The following CD47 variants were observed in gnomAD, a reference collection of about 807,000 sequenced individuals.
CD47 encodes leukocyte surface antigen CD47.
CD47 carries 11 observed loss-of-function variants against 44.6 expected under a neutral mutation model. The observed-to-expected ratio is 0.25, with a 90% CI of 0.16 to 0.41. The LOEUF (loss-of-function observed/expected upper bound fraction) is 0.41, where lower values mean the gene tolerates loss of function less well. Among genes scored for constraint, CD47 ranks in the 10% least tolerant of loss-of-function variants. CD47 has a pLI of 1.00. For synonymous variants in CD47, 140 were observed against 136.3 expected, an observed-to-expected ratio of 1.03 and a Z score of -0.19; for missense variants, 306 against 386.7, an observed-to-expected ratio of 0.79 and a Z score of 1.75.
chr3:108,086,011 T>C (rs1175543444), intron 1 of CD47, among the ~76,000 whole-genome samples: 1 of 152,070 alleles, frequency 6.6e-6, no homozygotes, highest in Non-Finnish European at 1.5e-5. Flanking sequence ...GAGGGTGATG[T>C]TTAAACTGGG....
chr3:108,050,778 C>A, intron 8 of CD47, 176 bp from the exon 9 acceptor site: 1 of 481,506 alleles, frequency 2.1e-6, no homozygotes, highest in South Asian at 2.5e-5. Flanking sequence ...GCAAAGCTTG[C>A]CAAGTCGGGT....
chr3:108,059,435 T>C lies in CD47; in HGVS notation c.691+17A>G. 1 of 1,223,332 alleles carries C rather than the reference T, an allele frequency of 8.2e-7. No individual in the cohort carries two copies. Among genetic ancestry groups the C allele is most frequent in the Non-Finnish European group, 1.1e-6 (1 of 883,468 alleles). 75.8% of individuals were successfully genotyped at this position (1,223,332 alleles called of 1,614,324 possible). ...GAAAAAGGTAGACAAAATCATACTG[T>C]AACAATGAAAACTCACCTGTACTAA... On this transcript the variant is annotated intron_variant, in intron 5 of 10. Coordinates refer to ENST00000361309, the MANE Select transcript of CD47 (RefSeq NM_001777.4).
intron 7 of CD47, 90 bp downstream of exon 7, chr3:108,057,387 T>C (rs1204947779): frequency 4.6e-6 from 3 of 654,316 alleles, no homozygotes; most frequent in East Asian, 2.7e-5. Context: ...TCATTTTTGG[T>C]CCTAAACTGG....
At chr3:108,070,985 C>G in intron 3 of CD47, 108 bp downstream of exon 3, 1 of 563,102 alleles carries the variant, frequency 1.8e-6, no homozygotes, top group Non-Finnish European at 3.2e-6. Flanking sequence ...TCATATTTAT[C>G]ATAATAGCAC....
chr3:108,051,908 T>C, intron 8 of CD47, 31 bp downstream of exon 8: 1 of 1,481,386 alleles, frequency 6.8e-7, no homozygotes, highest in South Asian at 1.1e-5. Context: ...CAAATGATCA[T>C]TCACAATTCA....
Position 108,057,558 on chromosome 3 carries a change from T to G in CD47, c.796A>C (p.Met266Leu). 6.6e-7 allele frequency: 1 copy of G among 1,514,460 alleles called. No individual in the cohort carries two copies. The highest frequency in any genetic ancestry group is 1.1e-5 in the South Asian group (1 of 89,044). The allele number at this position is 1,514,460 out of a possible 1,614,324, so 93.8% of individuals were successfully genotyped here. ...CCTGAAATCAGAAGAGGGCCATGCA[T>G]TGGTATACACGCTGTAAAAACAAAT... ...LSLCIAACIPMHGPLLISGLS... is the reference protein window; with the variant it reads ...LSLCIAACIPLHGPLLISGLS... Residue 266 changes from methionine to leucine, a missense_variant, in exon 7 of 11, where the codon ATG (methionine) becomes CTG (leucine). By Grantham distance (15) the Met-to-Leu change is conservative. Around this residue, in one of 5 missense-constraint regions of CD47, gnomAD observed 131 missense variants for 135.3 expected, o/e 0.97. Transcript: ENST00000361309.
At chr3:108,057,025 C>T (rs1315591972) in intron 7 of CD47, among the ~76,000 whole-genome samples, 2 of 152,066 alleles carry the variant, frequency 1.3e-5, no homozygotes, top group Admixed American at 6.6e-5. Context: ...TCTATGTCTG[C>T]AAGAAAAAGA....
At chr3:108,083,922 T>C (rs1219478030) in intron 1 of CD47, among the ~76,000 whole-genome samples, 2 of 151,282 alleles carry the variant, frequency 1.3e-5, no homozygotes, top group Non-Finnish European at 3.0e-5. Context: ...CTTCCTTTTC[T>C]GAAATGAATC....
chr3:108,062,358 C>A (rs2079029283), intron 3 of CD47, among the ~76,000 whole-genome samples: 1 of 152,092 alleles, frequency 6.6e-6, no homozygotes, highest in African/African-American at 2.4e-5. Context: ...GGCACATACA[C>A]AGAAAAAGGA....
At chr3:108,087,228 C>A (rs1021108592) in intron 1 of CD47, among the ~76,000 whole-genome samples, 1 of 152,234 alleles carries the variant, frequency 6.6e-6, no homozygotes, top group Non-Finnish European at 1.5e-5. Context: ...TCTAGCTACA[C>A]TGGGTTACGT....
At chr3:108,082,259 G>A (rs2079434198) in intron 1 of CD47, among the ~76,000 whole-genome samples, 1 of 151,884 alleles carries the variant, frequency 6.6e-6, no homozygotes, top group African/African-American at 2.4e-5. Context: ...ACTTTGACTG[G>A]GCTGTTTTAC....
In CD47 at chr3:108,075,923, T is replaced by C. The variant is rs142160764; in HGVS notation, c.400+4068A>G. On this transcript the variant is annotated intron_variant, in intron 2 of 10. Transcript: ENST00000361309. ...CTGGCTTTAAATATGCAAGGGGCCA[T>C]GGGGCAAGAAATGAGGGCAATCTCT... Among the ~76,000 whole-genome samples, 1,107 of 152,274 alleles carry C rather than the reference T, an allele frequency of 7.3e-3. 13 individuals are homozygous for C. The highest frequency in any genetic ancestry group is 0.026 in the African/African-American group (1,061 of 41,556).
Position 108,071,101 on chromosome 3 carries a change from C to G in CD47, c.482G>C (p.Gly161Ala). 1 of 1,332,108 alleles carries G rather than the reference C, an allele frequency of 7.5e-7. No individual in the cohort carries two copies. The highest frequency in any genetic ancestry group is 2.2e-5 in the Admixed American group (1 of 45,620). The allele number at this position is 1,332,108 out of a possible 1,614,324, so 82.5% of individuals were successfully genotyped here. The change falls in exon 3 of 11, where the codon GGT becomes GCT. Residue 161 changes from glycine (G) to alanine (A), a missense_variant. Gly to Ala is a moderately conservative substitution (Grantham distance 60). Around this residue, in one of 5 missense-constraint regions of CD47, gnomAD observed 65 missense variants for 119.9 expected, o/e 0.54. Coordinates refer to ENST00000361309, the MANE Select transcript of CD47 (RefSeq NM_001777.4). Reference protein sequence around the residue: ...FAILLFWGQFGIKTLKYRSGG... With the variant: ...FAILLFWGQFAIKTLKYRSGG... ...GTAGAAATAATACTTACTTTTAATA[C>G]CAAACTGTCCCCAGAACAGGAGTAT...
chr3:108,051,122 C>T (rs889862700), intron 8 of CD47, among the ~76,000 whole-genome samples: 2 of 152,236 alleles, frequency 1.3e-5, no homozygotes, highest in Non-Finnish European at 2.9e-5. Context: ...CCCCACCTGC[C>T]CTTTAGGCAC....
At chr3:108,060,561 T>A (rs764460076) in intron 4 of CD47, among the ~76,000 whole-genome samples, 184 bp downstream of exon 4, 11 of 152,200 alleles carry the variant, frequency 7.2e-5, no homozygotes, top group African/African-American at 2.7e-4. Context: ...AGAGGGAGTG[T>A]GGCCCTGATG....
Position 108,049,778 on chromosome 3 carries a change from C to A in CD47, c.935-127G>T, listed in dbSNP as rs545552894. On this transcript the variant is annotated intron_variant, in intron 9 of 10. Coordinates refer to ENST00000361309, the MANE Select transcript of CD47 (RefSeq NM_001777.4). ...CTCTACAGCCAAATTAATTGTAAAG[C>A]TATCATTTCATTATGTAGCCTTTCT... The A allele has an allele frequency of 5.6e-5, 39 of 699,116 alleles. No homozygotes were observed. In the African/African-American group the frequency reaches 6.2e-4, roughly 11 times the overall value. The allele number at this position is 699,116 out of a possible 1,614,324, so 43.3% of individuals were successfully genotyped here. A position where few individuals can be genotyped will look rare whatever the true frequency, so the allele number is the denominator to read the frequency against.
chr3:108,060,518 G>C (rs888116498), intron 4 of CD47, among the ~76,000 whole-genome samples: 3 of 152,224 alleles, frequency 2.0e-5, no homozygotes, highest in African/African-American at 7.2e-5. Context: ...GAAGCTAGAA[G>C]AGCCAAGAAA....
At chr3:108,090,209 AG>A (rs1432063295) in intron 1 of CD47, among the ~76,000 whole-genome samples, 7 of 152,074 alleles carry the variant, frequency 4.6e-5, no homozygotes, top group African/African-American at 1.4e-4. Flanking sequence ...GTCACGAGAA[AG>A]GAAGAGTTTC....
At chr3:108,064,609 A>G (rs772479970) in intron 3 of CD47, among the ~76,000 whole-genome samples, 1 of 152,178 alleles carries the variant, frequency 6.6e-6, no homozygotes, top group Non-Finnish European at 1.5e-5. Context: ...ACTGGATTTG[A>G]CACACCCATA....
Sources: allele counts gnomAD v4.1 joint callset (sites outside exome capture counted in the v4.1 genomes callset), GRCh38; gene constraint gnomAD v4.1.1; regional missense constraint gnomAD v4.1.1; transcripts MANE v1.5; gene names NCBI Gene and HGNC (gene_info 2026-07-23, HGNC 2026-07-21).